DNAH3: variants seen among roughly 807,000 people sequenced by gnomAD.
DNAH3 encodes axonemal beta dynein heavy chain 3.
A neutral mutation model predicts 432.5 loss-of-function variants in DNAH3; 332 were observed. The ratio of observed to expected loss-of-function variants is 0.77; its 90% CI spans 0.70 to 0.84. DNAH3 has a LOEUF of 0.84. Ranked by LOEUF, DNAH3 falls within the 40% of genes least tolerant of loss-of-function variation. DNAH3 has a pLI of 0.00. For synonymous variants in DNAH3, 1,956 were observed against 1,900.2 expected (o/e 1.03, Z -0.76); for missense variants, 4,861 against 5,114.0 (o/e 0.95, Z 1.51).
exon 48 of DNAH3, chr16:20,985,287 C>G: frequency 6.2e-7 from 1 of 1,614,202 alleles, no homozygotes; most frequent in South Asian, 1.1e-5. Context: ...ACACGGTGCT[C>G]TTGGTGGCCA....
chr16:21,008,512 C>T (rs2087427570), intron 41 of DNAH3, among the ~76,000 whole-genome samples: 1 of 152,174 alleles, frequency 6.6e-6, no homozygotes, highest in South Asian at 2.1e-4. Flanking sequence ...ATGTGCCCCA[C>T]TCCCGAAGGA....
intron 9 of DNAH3, among the ~76,000 whole-genome samples, chr16:21,124,193 A>T (rs1299703122): frequency 6.6e-6 from 1 of 152,186 alleles, no homozygotes; most frequent in Non-Finnish European, 1.5e-5. Flanking sequence ...CCCCTTGCCA[A>T]GACCAAAGAA....
At chr16:20,997,525 G>C (rs892100855) in intron 43 of DNAH3, 63 bp from the exon 44 acceptor site, 1 of 1,555,680 alleles carries the variant, frequency 6.4e-7, no homozygotes, top group African/African-American at 1.4e-5. Context: ...TCTTACAGAG[G>C]TAACAGATGG....
chr16:21,122,954 G>A (rs1223208137), intron 9 of DNAH3, among the ~76,000 whole-genome samples: 1 of 151,960 alleles, frequency 6.6e-6, no homozygotes, highest in Non-Finnish European at 1.5e-5. Context: ...GCCCAGCCTA[G>A]TATTTTTTTC....
intron 1 of DNAH3, among the ~76,000 whole-genome samples, chr16:21,149,250 AAAAG>A (rs776295984): frequency 5.5e-4 from 83 of 152,242 alleles, no homozygotes; most frequent in Non-Finnish European, 1.1e-3. Context: ...GAAAGAAAGA[AAAAG>A]AAAGAAAGAA....
chr16:20,976,409 T>TC (rs1157865613), intron 50 of DNAH3, among the ~76,000 whole-genome samples: 1 of 152,108 alleles, frequency 6.6e-6, no homozygotes, highest in Non-Finnish European at 1.5e-5. Flanking sequence ...GCCAGACTGG[T>TC]CTTGAATTCC....
chr16:21,112,953 C>T (rs1360317419), intron 12 of DNAH3, among the ~76,000 whole-genome samples: 4 of 152,194 alleles, frequency 2.6e-5, no homozygotes, highest in Non-Finnish European at 4.4e-5. Flanking sequence ...CCTGTACCCC[C>T]ATTGTATCTA....
chr16:21,146,233 C>T, intron 1 of DNAH3, 145 bp from the exon 3 acceptor site: 4 of 599,024 alleles, frequency 6.7e-6, no homozygotes, highest in Non-Finnish European at 1.2e-5. Flanking sequence ...TCATTCCCAT[C>T]CATTATGTAT....
chr16:20,940,673 C>A (rs1166203212), intron 59 of DNAH3, among the ~76,000 whole-genome samples: 1 of 151,332 alleles, frequency 6.6e-6, no homozygotes, highest in African/African-American at 2.4e-5. Flanking sequence ...CTCAGGTGAT[C>A]CTCCCTACTC....
At chr16:21,145,274 G>T in exon 3 of DNAH3, 1 of 1,613,998 alleles carries the variant, frequency 6.2e-7, no homozygotes. Flanking sequence ...TTCAGGTCCT[G>T]GGCCATCAAG....
At chr16:20,979,755 A>T (rs1437523434) in intron 49 of DNAH3, among the ~76,000 whole-genome samples, 1 of 152,022 alleles carries the variant, frequency 6.6e-6, no homozygotes, top group Non-Finnish European at 1.5e-5. Context: ...AAATGATTTT[A>T]TATTTATTTA....
chr16:21,038,039 A>T, intron 33 of DNAH3, 59 bp from the exon 34 acceptor site: 1 of 1,485,334 alleles, frequency 6.7e-7, no homozygotes, highest in Non-Finnish European at 9.3e-7. Flanking sequence ...TGCCCAGCAG[A>T]CATTCCCAAT....
chr16:21,123,042 C>T (rs2092377039), intron 9 of DNAH3, among the ~76,000 whole-genome samples: 1 of 152,078 alleles, frequency 6.6e-6, no homozygotes, highest in Non-Finnish European at 1.5e-5. Flanking sequence ...TGTCTGATCA[C>T]CTCTCTCCTC....
chr16:20,974,545 A>G (rs1363990625), intron 51 of DNAH3, among the ~76,000 whole-genome samples: 1 of 145,174 alleles, frequency 6.9e-6, no homozygotes, highest in African/African-American at 2.5e-5. Context: ...CTGGGACTAC[A>G]TGGGTGTGCC....
At chr16:21,139,339 T>TTTTTTTTTTTTTTTTTTG in intron 5 of DNAH3, among the ~76,000 whole-genome samples, 1 of 134,882 alleles carries the variant, frequency 7.4e-6, no homozygotes, top group African/African-American at 2.8e-5. Flanking sequence ...TTTTTTTTTT[T>TTTTTTTTTTTTTTTTTTG]TTTTTTTTTT....
At chr16:21,093,924 A>G (rs996777444) in intron 18 of DNAH3, among the ~76,000 whole-genome samples, 1 of 152,206 alleles carries the variant, frequency 6.6e-6, no homozygotes, top group Non-Finnish European at 1.5e-5. Flanking sequence ...AATGGACCAT[A>G]GGTCTAAATG....
Position 20,952,187 on chromosome 16 carries a change from C to A in DNAH3, c.11188+246G>T, listed in dbSNP as rs562491497. Among the ~76,000 whole-genome samples the A allele has an allele frequency of 2.6e-5, 4 of 152,224 alleles. No individual in the cohort carries two copies. In the South Asian group the frequency reaches 6.2e-4, roughly 24 times the overall value. ...GCCACTGTGCCCCGCTGGCCTGTAT[C>A]ATTTTTTAAAATATTTTTCTTCTTT... On this transcript the variant is annotated intron_variant, in intron 56 of 61. Coordinates refer to ENST00000261383, the Ensembl canonical transcript of DNAH3.
intron 52 of DNAH3, 48 bp downstream of exon 52, chr16:20,969,744 G>A: frequency 6.2e-7 from 1 of 1,603,924 alleles, no homozygotes; most frequent in African/African-American, 1.3e-5. Flanking sequence ...GCACCCCACT[G>A]CCAGGAAAGA....
intron 19 of DNAH3, among the ~76,000 whole-genome samples, chr16:21,085,019 G>A (rs1170521397): frequency 6.6e-6 from 1 of 151,102 alleles, no homozygotes; most frequent in African/African-American, 2.4e-5. Context: ...GTAGAGAGAG[G>A]CACCCCGTGA....
Sources: allele counts gnomAD v4.1 joint callset (sites outside exome capture counted in the v4.1 genomes callset), GRCh38; gene constraint gnomAD v4.1.1; transcripts MANE v1.5; gene names NCBI Gene and HGNC (gene_info 2026-07-23, HGNC 2026-07-21).